The following OCA2 variants were observed in gnomAD, a reference collection of about 807,000 sequenced individuals.
OCA2 encodes P protein.
Under a neutral mutation model 100.2 loss-of-function variants are expected in OCA2, and 77 were observed. The ratio of observed to expected loss-of-function variants is 0.77; its 90% CI spans 0.64 to 0.93. The LOEUF (loss-of-function observed/expected upper bound fraction) is 0.93, where lower values mean the gene tolerates loss of function less well. Ranked by LOEUF, OCA2 falls within the 40% of genes least tolerant of loss-of-function variation. OCA2 has a pLI of 0.00. For synonymous variants in OCA2, 432 were observed against 439.2 expected (o/e 0.98, Z 0.21); for missense variants, 1,062 against 1,089.1 (o/e 0.98, Z 0.35).
chr15:28,077,352 C>A (rs1018973453), intron 2 of OCA2, among the ~76,000 whole-genome samples: 3 of 152,168 alleles, frequency 2.0e-5, no homozygotes, highest in Non-Finnish European at 4.4e-5. Context: ...AGCCACCGCA[C>A]CCAGCCCTGT....
intron 2 of OCA2, among the ~76,000 whole-genome samples, chr15:28,039,106 G>GT (rs2043128808): frequency 6.6e-6 from 1 of 152,148 alleles, no homozygotes; most frequent in Non-Finnish European, 1.5e-5. Context: ...TCACCAAGAA[G>GT]TTATAACAAC....
intron 23 of OCA2, among the ~76,000 whole-genome samples, chr15:27,838,479 G>GT (rs2035234465): frequency 6.6e-6 from 1 of 152,132 alleles, no homozygotes; most frequent in South Asian, 2.1e-4. Context: ...CCGTGAAATC[G>GT]TAAAATATAA....
At chr15:27,786,900 T>C (rs1035070478) in intron 23 of OCA2, among the ~76,000 whole-genome samples, 1 of 152,156 alleles carries the variant, frequency 6.6e-6, no homozygotes, top group Non-Finnish European at 1.5e-5. Context: ...CCATTAGGTA[T>C]GATACTAGCT....
At chr15:27,988,470 G>C (rs2141003214) in intron 11 of OCA2, among the ~76,000 whole-genome samples, 1 of 152,236 alleles carries the variant, frequency 6.6e-6, no homozygotes, top group East Asian at 1.9e-4. Context: ...TATAGGATGA[G>C]GGTCTCAGGA....
At chr15:27,752,272 C>T (rs2030090569), downstream of OCA2, among the ~76,000 whole-genome samples, 1 of 152,212 alleles carries the variant, frequency 6.6e-6, no homozygotes, top group African/African-American at 2.4e-5. Context: ...CGGGCAAACT[C>T]TAGCAAGGAC....
At chr15:27,909,075 A>T (rs1157753227) in intron 19 of OCA2, among the ~76,000 whole-genome samples, 2 of 152,244 alleles carry the variant, frequency 1.3e-5, no homozygotes, top group African/African-American at 4.8e-5. Flanking sequence ...GGATAAATTA[A>T]CTTATAAAAA....
chr15:27,948,226 G>A (rs1037783350), intron 18 of OCA2, among the ~76,000 whole-genome samples: 3 of 152,130 alleles, frequency 2.0e-5, no homozygotes, highest in Admixed American at 6.5e-5. Context: ...ATTGTGCCAC[G>A]TGCCAGCAAG....
chr15:28,069,565 G>A (rs1158257841), intron 2 of OCA2, among the ~76,000 whole-genome samples: 32 of 141,174 alleles, frequency 2.3e-4, no homozygotes, highest in African/African-American at 7.3e-4. Context: ...GGCACGCGCC[G>A]CCACGCCTGA....
intron 2 of OCA2, among the ~76,000 whole-genome samples, chr15:28,080,166 C>T (rs918478594): frequency 2.0e-5 from 3 of 152,194 alleles, no homozygotes; most frequent in Non-Finnish European, 4.4e-5. Context: ...TAGACACTTC[C>T]CAACAAAACA....
chr15:27,908,617 G>T (rs2703924), intron 19 of OCA2, among the ~76,000 whole-genome samples: 95,590 of 151,318 alleles, frequency 0.63, 30,770 homozygotes, highest in East Asian at 0.96. Flanking sequence ...AAGGGGAAAA[G>T]ACGAATGTGG....
Position 27,955,215 on chromosome 15 carries a change from T to G in OCA2, c.1785A>C (p.Arg595Ser). 6.2e-7 allele frequency: 1 copy of G among 1,608,528 alleles called. No individual in the cohort carries two copies. The highest frequency in any genetic ancestry group is 8.5e-7 in the Non-Finnish European group (1 of 1,174,880). The change falls in exon 17 of 24, where the codon AGA (arginine) becomes AGC (serine). Residue 595 changes from arginine to serine, a missense_variant and splice_region_variant. Transcript: ENST00000354638. ...AATTTTTGTCCTCCTGTGAGATCTGTCTAAAAGAGAAAAGAAGAGACTCAT... is the reference window on the plus strand; with the variant it reads ...AATTTTTGTCCTCCTGTGAGATCTGGCTAAAAGAGAAAAGAAGAGACTCAT... ...LLARRLHTFH[R>S]QISQEDKNWE...
At chr15:27,966,597 C>T in intron 15 of OCA2, 93 bp downstream of exon 15, 1 of 1,438,442 alleles carries the variant, frequency 7.0e-7, no homozygotes, top group East Asian at 2.3e-5. Flanking sequence ...AGCAACCCAT[C>T]AACAGATACT....
Position 27,955,190 on chromosome 15 carries a change from A to G in OCA2, c.1810T>C (p.Trp604Arg). Reference protein sequence around the residue: ...HRQISQEDKNWETNIQELQKK... With the variant: ...HRQISQEDKNRETNIQELQKK... ...TGGAGTTCTTGGATATTGGTCTCCC[A>G]ATTTTTGTCCTCCTGTGAGATCTGT... The change falls in exon 17 of 24, where the codon TGG becomes CGG. Residue 604 changes from tryptophan to arginine, a missense_variant. Coordinates refer to ENST00000354638, the MANE Select transcript of OCA2 (RefSeq NM_000275.3). The G allele has an allele frequency of 6.2e-7, 1 of 1,612,640 alleles. No homozygotes were observed. The highest frequency in any genetic ancestry group is 2.2e-5 in the East Asian group (1 of 44,874).
intron 19 of OCA2, among the ~76,000 whole-genome samples, chr15:27,910,550 A>G (rs2038350966): frequency 6.6e-6 from 1 of 152,196 alleles, no homozygotes; most frequent in Admixed American, 6.5e-5. Flanking sequence ...CCAAGACATA[A>G]CATTAAGCTT....
intron 23 of OCA2, among the ~76,000 whole-genome samples, chr15:27,762,028 C>A (rs556541044): frequency 1.3e-3 from 196 of 152,246 alleles, no homozygotes; most frequent in Non-Finnish European, 2.1e-3. Flanking sequence ...TGAGTCTTTG[C>A]AAGAATAGCC....
rs139198296 is a variant in OCA2, at chr15:27,958,673, T to C, written c.1637-938A>G. On this transcript the variant is annotated intron_variant, in intron 15 of 23. Transcript: ENST00000354638. ...TTCATTGCCTCTTAAGATATTCAAA[T>C]ATTTCATGAAAACCTACATTTAACC... Among the ~76,000 whole-genome samples, 556 of 152,346 alleles carry C rather than the reference T, an allele frequency of 3.6e-3. 2 individuals are homozygous for C. The highest frequency in any genetic ancestry group is 0.023 in the South Asian group (109 of 4,828).
chr15:27,738,544 G>C, the OCA2 span, among the ~76,000 whole-genome samples: 3 of 152,118 alleles, frequency 2.0e-5, no homozygotes, highest in Non-Finnish European at 4.4e-5. Context: ...GACCATCCTG[G>C]CTAACACGGT....
intron 23 of OCA2, among the ~76,000 whole-genome samples, chr15:27,765,473 C>T (rs369054812): frequency 1.1e-3 from 162 of 152,292 alleles, no homozygotes; most frequent in African/African-American, 3.5e-3. Flanking sequence ...ACTCAAGCAC[C>T]TGGACCCATT....
chr15:27,995,972 C>T (rs1595786206), intron 9 of OCA2, among the ~76,000 whole-genome samples: 1 of 152,010 alleles, frequency 6.6e-6, no homozygotes, highest in East Asian at 1.9e-4. Context: ...ACCACCATGC[C>T]TGACTAATTT....
Sources: allele counts gnomAD v4.1 joint callset (sites outside exome capture counted in the v4.1 genomes callset), GRCh38; gene constraint gnomAD v4.1.1; transcripts MANE v1.5; gene names NCBI Gene and HGNC (gene_info 2026-07-23, HGNC 2026-07-21).